Variants in NIBAN2 observed in about 807,000 individuals in gnomAD.
The protein encoded by NIBAN2 is protein Niban 2.
In NIBAN2, 36 loss-of-function variants were observed where a neutral mutation model predicts 81.8. That is an observed-to-expected ratio of 0.44 (90% confidence interval 0.34 to 0.58). NIBAN2 has a LOEUF of 0.58. NIBAN2 is among the 20% of genes least tolerant of loss of function. The pLI is 0.02. For missense variants in NIBAN2, 897 were observed against 1,014.1 expected, an observed-to-expected ratio of 0.88 and a Z score of 1.57; for synonymous variants, 445 against 441.6, an observed-to-expected ratio of 1.01 and a Z score of -0.10.
chr9:127,546,203 T>A (rs1837468811), intron 1 of NIBAN2, among the ~76,000 whole-genome samples: 1 of 152,218 alleles, frequency 6.6e-6, no homozygotes, highest in Non-Finnish European at 1.5e-5. Context: ...TTCTCCACAA[T>A]GTCTCTGGCC....
chr9:127,569,709 G>A (rs2132244878), upstream of NIBAN2, among the ~76,000 whole-genome samples: 1 of 152,294 alleles, frequency 6.6e-6, no homozygotes, highest in South Asian at 2.1e-4. Flanking sequence ...GTGCCCGCTG[G>A]TCTTGCACAA....
intron 1 of NIBAN2, among the ~76,000 whole-genome samples, chr9:127,557,827 T>G (rs1280147256): frequency 6.6e-6 from 1 of 152,182 alleles, no homozygotes; most frequent in Non-Finnish European, 1.5e-5. Context: ...AAGGGCTCAG[T>G]GTATTCAACC....
At chr9:127,571,167 C>T (rs982235029), upstream of NIBAN2, among the ~76,000 whole-genome samples, 9 of 152,074 alleles carry the variant, frequency 5.9e-5, no homozygotes, top group African/African-American at 1.2e-4. Context: ...CCCCAGGCTT[C>T]GTGGCACACC....
chr9:127,508,417 C>T lies in NIBAN2; in HGVS notation c.1434+5G>A. On this transcript the variant is annotated splice_donor_5th_base_variant and intron_variant, in intron 11 of 13. Transcript: ENST00000373312. The surrounding 1 kb of genome is among the most constrained non-coding windows in gnomAD (Gnocchi z 6.4). ...CGGTCCGGGGCAGGGCGTGGGGCCGCTCACCTTCAGCACCCGCTCCAGGAC... is the reference window on the plus strand; with the variant it reads ...CGGTCCGGGGCAGGGCGTGGGGCCGTTCACCTTCAGCACCCGCTCCAGGAC... 2 of 1,607,106 alleles carry T rather than the reference C, an allele frequency of 1.2e-6. No individual in the cohort carries two copies. The highest frequency in any genetic ancestry group is 1.7e-6 in the Non-Finnish European group (2 of 1,178,132).
chr9:127,523,639 C>A (rs752230455), intron 5 of NIBAN2, 40 bp downstream of exon 5: 2 of 1,585,648 alleles, frequency 1.3e-6, no homozygotes, highest in South Asian at 1.1e-5. Flanking sequence ...CCAGGTCCTG[C>A]CCCTCCCTCC....
intron 1 of NIBAN2, among the ~76,000 whole-genome samples, chr9:127,547,146 C>T (rs1236899552): frequency 6.6e-6 from 1 of 152,176 alleles, no homozygotes; most frequent in Non-Finnish European, 1.5e-5. Context: ...CAGTTCAAAT[C>T]CTAACTCCAC....
chr9:127,508,871 G>A lies in NIBAN2; in HGVS notation c.1317+105C>T, dbSNP rs1214769767. The A allele has an allele frequency of 1.2e-5, 15 of 1,297,056 alleles. No homozygotes were observed. The highest frequency in any genetic ancestry group is 6.0e-5 in the South Asian group (5 of 82,908). 80.3% of individuals were successfully genotyped at this position (1,297,056 alleles called of 1,614,324 possible). ...GGAGGAGAGAGCGTGCCAGGCAAGC[G>A]TGGCTATGGCATGACGGGACGGAGC... is the stretch of plus-strand genomic sequence containing the variant. On this transcript the variant is annotated intron_variant, in intron 10 of 13. Transcript: ENST00000373312. The surrounding 1 kb of genome is among the most constrained non-coding windows in gnomAD (Gnocchi z 6.4).
At chr9:127,550,858 G>A (rs1296228336) in intron 1 of NIBAN2, among the ~76,000 whole-genome samples, 4 of 152,154 alleles carry the variant, frequency 2.6e-5, no homozygotes, top group Non-Finnish European at 5.9e-5. Context: ...CAGATCCTCC[G>A]CGTCCTCTTC....
chr9:127,547,452 G>A (rs1014461833), intron 1 of NIBAN2, among the ~76,000 whole-genome samples: 1 of 152,084 alleles, frequency 6.6e-6, no homozygotes, highest in Non-Finnish European at 1.5e-5. Context: ...AGGAAGTGGA[G>A]GTTGCAGTGA....
chr9:127,527,578 C>T (rs745776212), intron 2 of NIBAN2, among the ~76,000 whole-genome samples: 12 of 152,188 alleles, frequency 7.9e-5, no homozygotes, highest in Non-Finnish European at 4.4e-5. Flanking sequence ...AGGACTTGAA[C>T]CCAGGACAGG....
chr9:127,517,271 GTT>G lies in NIBAN2; in HGVS notation c.706-57_706-56del. 2 of 1,487,576 alleles carry G rather than the reference GTT, an allele frequency of 1.3e-6. No homozygotes were observed. Among genetic ancestry groups the G allele is most frequent in the Non-Finnish European group, 1.9e-6 (2 of 1,077,580 alleles). 92.1% of individuals were successfully genotyped at this position (1,487,576 alleles called of 1,614,324 possible). A position where few individuals can be genotyped will look rare whatever the true frequency, so the allele number is the denominator to read the frequency against. On this transcript the variant is annotated intron_variant, in intron 6 of 13. Coordinates refer to ENST00000373312, the MANE Select transcript of NIBAN2 (RefSeq NM_022833.4). The surrounding 1 kb of genome is among the most constrained non-coding windows in gnomAD (Gnocchi z 4.0). ...GGGCTGGAGAGCGCTCAGCTGGCCT[GTT>G]TCTCTCTGCATTCCCACAAGCCAGG...
chr9:127,568,057 G>A (rs555763781), intron 1 of NIBAN2, among the ~76,000 whole-genome samples: 1 of 152,268 alleles, frequency 6.6e-6, no homozygotes, highest in African/African-American at 2.4e-5. Flanking sequence ...CTGCAGCTCC[G>A]GCTTCCCCAG....
chr9:127,568,792 G>T, intron 1 of NIBAN2, 28 bp downstream of exon 1: 1 of 1,291,652 alleles, frequency 7.7e-7, no homozygotes, highest in Non-Finnish European at 9.8e-7. Context: ...CAGGCCCCTG[G>T]GCGCGCGTGG....
chr9:127,574,611 C>T (rs368307044), intron 1 of NIBAN2, among the ~76,000 whole-genome samples: 2 of 152,058 alleles, frequency 1.3e-5, no homozygotes, highest in East Asian at 1.9e-4. Context: ...CCAGTTGGCA[C>T]GGAGTCCCAG....
At chr9:127,523,891 C>G in intron 4 of NIBAN2, 45 bp from the exon 5 acceptor site, 1 of 1,580,198 alleles carries the variant, frequency 6.3e-7, no homozygotes, top group African/African-American at 1.3e-5. Context: ...TGTGGTTGCC[C>G]TCCACCAGAG....
chr9:127,576,747 T>C (rs1838013274), intron 1 of NIBAN2, among the ~76,000 whole-genome samples: 1 of 148,974 alleles, frequency 6.7e-6, no homozygotes, highest in Non-Finnish European at 1.5e-5. Flanking sequence ...ACCTCGTCTC[T>C]ATTTTTTTTT....
At position 127,510,488 on chromosome 9, in the gene NIBAN2, G is replaced by C. The variant is rs1284275003; in HGVS notation, c.974-155C>G. On this transcript the variant is annotated intron_variant, in intron 8 of 13. Transcript: ENST00000373312. ...GTCTCGCTCTGTCGCCCAGGCTGGA[G>C]TGCAGTGGCGCGATCTCAGCTCACT... Among the ~76,000 whole-genome samples, 5 of 152,144 alleles carry C rather than the reference G, an allele frequency of 3.3e-5. No homozygotes were observed. In the East Asian group the frequency reaches 9.7e-4, roughly 29 times the overall value.
In NIBAN2 at chr9:127,545,154, A is replaced by C. The variant is rs892697977; in HGVS notation, c.56-13376T>G. 5.9e-5 allele frequency among the ~76,000 whole-genome samples: 9 copies of C among 152,094 alleles called. No individual in the cohort carries two copies. The highest frequency in any genetic ancestry group is 8.8e-5 in the Non-Finnish European group (6 of 67,992). On this transcript the variant is annotated intron_variant, in intron 1 of 13. Transcript: ENST00000373312. This position sits in a 1 kb window ranked among gnomAD's most constrained non-coding sequence, Gnocchi z 4.7. Reference sequence around the variant, plus strand: ...CCTCTGGCCTTGGGGTCCCACGTCTACAGTGCCCTCCTAGCGTCCACCCCT... The same window carrying C: ...CCTCTGGCCTTGGGGTCCCACGTCTCCAGTGCCCTCCTAGCGTCCACCCCT...
intron 2 of NIBAN2, among the ~76,000 whole-genome samples, chr9:127,528,828 A>G (rs936953235): frequency 1.3e-5 from 2 of 152,230 alleles, no homozygotes; most frequent in Non-Finnish European, 2.9e-5. Context: ...ACACCCTAGC[A>G]AAAGGCCCCT....
Sources: allele counts gnomAD v4.1 joint callset (sites outside exome capture counted in the v4.1 genomes callset), GRCh38; gene constraint gnomAD v4.1.1; non-coding constraint Gnocchi (gnomAD v3.1); transcripts MANE v1.5; gene names NCBI Gene and HGNC (gene_info 2026-07-23, HGNC 2026-07-21).